LRRC7: variants seen among roughly 807,000 people sequenced by gnomAD.
LRRC7 encodes leucine rich repeat containing 7, also known as leucine-rich repeat-containing protein 7.
Under a neutral mutation model 175.7 loss-of-function variants are expected in LRRC7, and 23 were observed. The ratio of observed to expected loss-of-function variants is 0.13; its 90% CI spans 0.09 to 0.19. LRRC7 has a LOEUF of 0.19. LRRC7 is among the 10% of genes least tolerant of loss of function. The probability of loss-of-function intolerance (pLI) is 1.00; values close to 1 mark genes in which losing one functional copy is unlikely to be tolerated. For synonymous variants in LRRC7, 685 were observed against 680.9 expected (o/e 1.01, Z -0.09); for missense variants, 1,354 against 1,904.7 (o/e 0.71, Z 5.38).
At chr1:69,931,434 G>C in intron 7 of LRRC7, 73 bp from the exon 8 acceptor site, 1 of 1,172,744 alleles carries the variant, frequency 8.5e-7, no homozygotes, top group Non-Finnish European at 1.3e-6. Flanking sequence ...CTGACAGGAA[G>C]GTGGTTGGAA....
chr1:69,930,904 C>T (rs1647303718), intron 7 of LRRC7, among the ~76,000 whole-genome samples: 1 of 149,756 alleles, frequency 6.7e-6, no homozygotes, highest in African/African-American at 2.5e-5. Context: ...ATGATCCAAT[C>T]ACCTCCCACC....
chr1:69,647,741 C>T (rs971387724), intron 1 of LRRC7, among the ~76,000 whole-genome samples: 1 of 152,100 alleles, frequency 6.6e-6, no homozygotes, highest in African/African-American at 2.4e-5. Context: ...TAAGTATGCA[C>T]AAGCAATCAT....
intron 8 of LRRC7, among the ~76,000 whole-genome samples, chr1:69,944,939 T>C (rs562857191): frequency 3.9e-5 from 6 of 152,112 alleles, no homozygotes; most frequent in Non-Finnish European, 7.4e-5. Flanking sequence ...TTGCAAATAC[T>C]TTCTCCCATT....
intron 7 of LRRC7, among the ~76,000 whole-genome samples, chr1:69,915,564 T>C (rs1646660928): frequency 6.6e-6 from 1 of 152,116 alleles, no homozygotes. Context: ...TTCCATCTGT[T>C]AGAGATTCAC....
At chr1:69,781,841 GGA>G (rs1446656958) in intron 3 of LRRC7, among the ~76,000 whole-genome samples, 4 of 91,558 alleles carry the variant, frequency 4.4e-5, no homozygotes, top group African/African-American at 1.5e-4. Flanking sequence ...AAGGAAGGAA[GGA>G]AGGGAGAGAA....
chr1:69,637,931 T>A (rs914553466), intron 1 of LRRC7, among the ~76,000 whole-genome samples: 1 of 151,960 alleles, frequency 6.6e-6, no homozygotes, highest in African/African-American at 2.4e-5. Flanking sequence ...GACACATTTT[T>A]AGGGTTTAAG....
chr1:69,725,474 A>T (rs1666850224), intron 2 of LRRC7, among the ~76,000 whole-genome samples: 1 of 152,196 alleles, frequency 6.6e-6, no homozygotes, highest in Admixed American at 6.6e-5. Flanking sequence ...ATTGTCCATG[A>T]AGAATAACCT....
intron 8 of LRRC7, among the ~76,000 whole-genome samples, chr1:69,974,062 G>A (rs1313016907): frequency 6.6e-6 from 1 of 152,064 alleles, no homozygotes; most frequent in African/African-American, 2.4e-5. Context: ...GCATGTATAT[G>A]TATTCATCAG....
chr1:69,700,049 C>T (rs1663145304), intron 2 of LRRC7, among the ~76,000 whole-genome samples: 2 of 152,114 alleles, frequency 1.3e-5, no homozygotes, highest in South Asian at 4.1e-4. Flanking sequence ...GATGTTCCTT[C>T]ACAAATTCAC....
intron 7 of LRRC7, among the ~76,000 whole-genome samples, chr1:69,912,314 G>A (rs901580038): frequency 6.6e-6 from 1 of 152,138 alleles, no homozygotes; most frequent in Admixed American, 6.6e-5. Flanking sequence ...TTTTAGAAAA[G>A]AAACTTTGTG....
intron 2 of LRRC7, among the ~76,000 whole-genome samples, chr1:69,752,262 G>A (rs1669922047): frequency 6.6e-6 from 1 of 152,114 alleles, no homozygotes; most frequent in Admixed American, 6.6e-5. Flanking sequence ...CACACTTAAT[G>A]AGGAAAAAGG....
At chr1:69,749,935 C>A (rs1228853393) in intron 2 of LRRC7, among the ~76,000 whole-genome samples, 1 of 151,958 alleles carries the variant, frequency 6.6e-6, no homozygotes, top group African/African-American at 2.4e-5. Context: ...GTGGCATGTG[C>A]CTGTAGTCCC....
At chr1:69,727,529 T>C (rs766743265) in intron 2 of LRRC7, among the ~76,000 whole-genome samples, 1 of 152,056 alleles carries the variant, frequency 6.6e-6, no homozygotes, top group South Asian at 2.1e-4. Flanking sequence ...ACTAGTACCA[T>C]AGGGGACAAT....
chr1:69,915,577 C>A (rs1646661249), intron 7 of LRRC7, among the ~76,000 whole-genome samples: 1 of 152,146 alleles, frequency 6.6e-6, no homozygotes, highest in Middle Eastern at 3.4e-3. Flanking sequence ...AGATTCACAA[C>A]GAACATTTGT....
intron 8 of LRRC7, among the ~76,000 whole-genome samples, chr1:69,975,920 A>G (rs1160591365): frequency 1.3e-5 from 2 of 149,324 alleles, no homozygotes; most frequent in Admixed American, 6.7e-5. Flanking sequence ...CATCTTATCT[A>G]TCTTTAACCT....
At chr1:70,096,419 C>T (rs1157559605) in intron 25 of LRRC7, among the ~76,000 whole-genome samples, 1 of 152,176 alleles carries the variant, frequency 6.6e-6, no homozygotes, top group Non-Finnish European at 1.5e-5. Flanking sequence ...TCGCCATGCA[C>T]AAACCACATT....
chr1:70,057,063 A>C (rs1438084276), intron 23 of LRRC7, among the ~76,000 whole-genome samples: 1 of 152,136 alleles, frequency 6.6e-6, no homozygotes, highest in Non-Finnish European at 1.5e-5. Context: ...AAACTCAAGA[A>C]AGAAGTAATG....
chr1:69,712,600 A>G (rs1481595827), intron 2 of LRRC7, among the ~76,000 whole-genome samples: 2 of 152,140 alleles, frequency 1.3e-5, no homozygotes, highest in Non-Finnish European at 2.9e-5. Context: ...GCGAGACTCC[A>G]TCTCACAAAA....
At chr1:69,827,705 G>T (rs1340828423) in intron 5 of LRRC7, among the ~76,000 whole-genome samples, 1 of 151,964 alleles carries the variant, frequency 6.6e-6, no homozygotes, top group Non-Finnish European at 1.5e-5. Flanking sequence ...CTGGTGTGGT[G>T]GTGTGTGCCT....
Sources: allele counts gnomAD v4.1 joint callset (sites outside exome capture counted in the v4.1 genomes callset), GRCh38; gene constraint gnomAD v4.1.1; transcripts MANE v1.5; gene names NCBI Gene and HGNC (gene_info 2026-07-23, HGNC 2026-07-21).